MYBPC1: variants seen among roughly 807,000 people sequenced by gnomAD.
MYBPC1 encodes the protein myosin-binding protein C, slow-type.
A neutral mutation model predicts 147.1 loss-of-function variants in MYBPC1; 52 were observed. The ratio of observed to expected loss-of-function variants is 0.35; its 90% CI spans 0.28 to 0.45. MYBPC1 has a LOEUF of 0.45. Ranked by LOEUF, MYBPC1 falls within the 20% of genes least tolerant of loss-of-function variation. MYBPC1 has a pLI of 1.00. For missense variants in MYBPC1, 1,228 were observed against 1,440.3 expected, an observed-to-expected ratio of 0.85 and a Z score of 2.39; for synonymous variants, 477 against 475.9, an observed-to-expected ratio of 1.00 and a Z score of -0.03.
intron 3 of MYBPC1, among the ~76,000 whole-genome samples, chr12:101,618,402 A>G (rs1225179695): frequency 2.0e-5 from 3 of 152,322 alleles, no homozygotes; most frequent in African/African-American, 7.2e-5. Context: ...GAATGCAGAC[A>G]GTGCAAACTC....
chr12:101,628,136 G>T, intron 5 of MYBPC1: 1 of 324,860 alleles, frequency 3.1e-6, no homozygotes, highest in South Asian at 2.8e-5. Flanking sequence ...TTTACATACA[G>T]ATAATAAAAC....
At chr12:101,685,172 G>T (rs1951279571) in intron 31 of MYBPC1, among the ~76,000 whole-genome samples, 1 of 152,112 alleles carries the variant, frequency 6.6e-6, no homozygotes, top group Non-Finnish European at 1.5e-5. Flanking sequence ...TAATTAAAAA[G>T]AACATTAACA....
chr12:101,669,138 T>C (rs1305621579), intron 23 of MYBPC1, among the ~76,000 whole-genome samples: 1 of 152,132 alleles, frequency 6.6e-6, no homozygotes, highest in Non-Finnish European at 1.5e-5. Context: ...ATCTTGGCTC[T>C]TGAGTATGTT....
chr12:101,611,608 A>C (rs17031683), intron 1 of MYBPC1, among the ~76,000 whole-genome samples: 8,654 of 152,298 alleles, frequency 0.057, 661 homozygotes, highest in African/African-American at 0.17. Context: ...TTCAGCAATA[A>C]AATGAGATAC....
In MYBPC1 at chr12:101,653,837, G is replaced by A. The variant is rs1041839735; in HGVS notation, c.1767+589G>A. 2.0e-5 allele frequency among the ~76,000 whole-genome samples: 3 copies of A among 152,132 alleles called. No individual in the cohort carries two copies. In the South Asian group the frequency reaches 6.2e-4, roughly 32 times the overall value. ...ATGCAAGTGAGGGTGAAATGGTAGA[G>A]TAGTGCCAGCTCAAGTGTGACTCCG... On this transcript the variant is annotated intron_variant, in intron 18 of 31. Coordinates refer to ENST00000361466, the MANE Select transcript of MYBPC1 (RefSeq NM_002465.4).
At chr12:101,597,565 A>G (rs1269107351) in intron 1 of MYBPC1, among the ~76,000 whole-genome samples, 2 of 152,206 alleles carry the variant, frequency 1.3e-5, no homozygotes, top group Non-Finnish European at 2.9e-5. Context: ...AGAAGGAGGA[A>G]GGACAGATGT....
At chr12:101,648,000 G>A in intron 13 of MYBPC1, 45 bp from the exon 14 acceptor site, 1 of 1,478,206 alleles carries the variant, frequency 6.8e-7, no homozygotes, top group Non-Finnish European at 9.5e-7. Context: ...CATGGGATAG[G>A]CTTTGGATAT....
intron 9 of MYBPC1, among the ~76,000 whole-genome samples, chr12:101,635,309 G>C (rs1890768761): frequency 1.3e-5 from 2 of 151,994 alleles, no homozygotes; most frequent in South Asian, 2.1e-4. Flanking sequence ...TCTTTAATGA[G>C]ACCAAATGTT....
In MYBPC1 at chr12:101,614,666, T is replaced by C. The variant is rs1397906020; in HGVS notation, c.61+135T>C. On this transcript the variant is annotated intron_variant, in intron 2 of 31. Transcript: ENST00000361466. ...CTACTGAGAAGTTGGATGGTGACCA[T>C]TGTGATAAGTTGAGAATAATAAAAA... 4 of 834,410 alleles carry C rather than the reference T, an allele frequency of 4.8e-6. No homozygotes were observed. The African/African-American group carries it at 6.8e-5, about 14-fold the overall frequency. 51.7% of individuals were successfully genotyped at this position (834,410 alleles called of 1,614,324 possible). A position where few individuals can be genotyped will look rare whatever the true frequency, so the allele number is the denominator to read the frequency against.
Position 101,663,459 on chromosome 12 carries a change from A to G in MYBPC1, c.2255A>G (p.Asp752Gly), listed in dbSNP as rs767531136. The part of the protein sequence containing the change: ...VTSPPTLLTV[D>G]SVTDTTVTMR... ...AGCCCTCCTACTCTTCTGACTGTGG[A>G]CTCTGTCACTGACACGACTGTCACG... Residue 752 changes from aspartate to glycine, a missense_variant, in exon 22 of 32, where the codon GAC becomes GGC. Transcript: ENST00000361466. 6.2e-7 allele frequency: 1 copy of G among 1,613,660 alleles called. No individual in the cohort carries two copies. Among genetic ancestry groups the G allele is most frequent in the South Asian group, 1.1e-5 (1 of 91,046 alleles).
Position 101,614,481 on chromosome 12 carries a change from T to A in MYBPC1, c.26-15T>A. On this transcript the variant is annotated splice_polypyrimidine_tract_variant and intron_variant, in intron 1 of 31. Coordinates refer to ENST00000361466, the MANE Select transcript of MYBPC1 (RefSeq NM_002465.4). ...TAAATGAGCCTGACATTTCCATGACTCTTTCCATTTCTAGAAAATGAAGTG... is the reference window on the plus strand; with the variant it reads ...TAAATGAGCCTGACATTTCCATGACACTTTCCATTTCTAGAAAATGAAGTG... 6.2e-7 allele frequency: 1 copy of A among 1,613,818 alleles called. No homozygotes were observed. Among genetic ancestry groups the A allele is most frequent in the Non-Finnish European group, 8.5e-7 (1 of 1,179,930 alleles).
At position 101,675,275 on chromosome 12, in the gene MYBPC1, A is replaced by T. The variant is rs1314972043; in HGVS notation, c.2810-17A>T. 1.2e-6 allele frequency: 2 copies of T among 1,613,858 alleles called. No individual in the cohort carries two copies. On this transcript the variant is annotated splice_polypyrimidine_tract_variant and intron_variant, in intron 25 of 31. Transcript: ENST00000361466. The stretch of plus-strand genomic sequence containing the variant: ...AAGAAAGTGACCTTGCAGTGACACC[A>T]TGAATTCATCCTGTAGACCGTCCAG...
intron 19 of MYBPC1, chr12:101,660,193 G>A (rs1896280976): frequency 2.8e-6 from 1 of 353,300 alleles, no homozygotes; most frequent in African/African-American, 2.1e-5. Context: ...AATGAGTCTA[G>A]CAGATTACTA....
At chr12:101,645,800 T>C (rs560976968) in intron 12 of MYBPC1, among the ~76,000 whole-genome samples, 44 of 152,372 alleles carry the variant, frequency 2.9e-4, no homozygotes, top group African/African-American at 1.0e-3. Flanking sequence ...CAGATAATTA[T>C]ATTTTACAAT....
At chr12:101,636,532 T>C in intron 9 of MYBPC1, 140 bp from the exon 10 acceptor site, 2 of 728,594 alleles carry the variant, frequency 2.7e-6, no homozygotes. Context: ...ATGTCACTTG[T>C]GTGAAAAGAA....
downstream of MYBPC1, among the ~76,000 whole-genome samples, chr12:101,688,255 C>G (rs1047453823): frequency 2.0e-5 from 3 of 151,968 alleles, no homozygotes; most frequent in African/African-American, 7.3e-5. Context: ...CTTGTCTCTA[C>G]TAAAAATATA....
intron 18 of MYBPC1, among the ~76,000 whole-genome samples, chr12:101,656,129 A>C (rs972773149): frequency 5.9e-5 from 9 of 152,152 alleles, no homozygotes; most frequent in African/African-American, 1.7e-4. Context: ...GAGTTGGGTT[A>C]ATTGTAAATA....
At position 101,629,489 on chromosome 12, in the gene MYBPC1, C is replaced by G. The variant is rs1227253765; in HGVS notation, c.234C>G (p.Asn78Lys). The change falls in exon 6 of 32, where the codon AAC becomes AAG. Residue 78 changes from asparagine (N) to lysine (K), a missense_variant. Around this residue, in one of 2 missense-constraint regions of MYBPC1, gnomAD observed 151 missense variants for 126.1 expected, o/e 1.20. Transcript: ENST00000361466. ...AGGAACAAGCCAAGCAGAATGCCAA[C>G]TCCCAGCTGTCCATCTTGTTCATTG... is the stretch of plus-strand genomic sequence containing the variant. ...PGEEQAKQNA[N>K]SQLSILFIEK... 2 of 1,614,038 alleles carry G rather than the reference C, an allele frequency of 1.2e-6. No homozygotes were observed.
At chr12:101,667,657 G>T in intron 22 of MYBPC1, 75 bp from the exon 23 acceptor site, 1 of 1,540,296 alleles carries the variant, frequency 6.5e-7, no homozygotes, top group South Asian at 1.1e-5. Context: ...ATTTGGAGTT[G>T]ACTGTAATGG....
Sources: gnomAD v4.1 joint callset for allele counts (sites outside exome capture counted in the v4.1 genomes callset) on GRCh38, gnomAD v4.1.1 for gene constraint, gnomAD v4.1.1 regional missense constraint, MANE v1.5 for transcripts, NCBI Gene and HGNC (gene_info 2026-07-23, HGNC 2026-07-21) for gene names.